Variants in NR6A1 observed in about 807,000 individuals in gnomAD.
The protein encoded by NR6A1 is nuclear receptor subfamily 6 group A member 1.
A neutral mutation model predicts 59.1 loss-of-function variants in NR6A1; 7 were observed. The observed-to-expected ratio is 0.12, with a 90% CI of 0.07 to 0.22. The LOEUF is 0.22. Among genes scored for constraint, NR6A1 ranks in the 10% least tolerant of loss-of-function variants. The pLI is 1.00. For missense variants in NR6A1, 468 were observed against 611.6 expected (o/e 0.77, Z 2.48); for synonymous variants, 243 against 236.1 (o/e 1.03, Z -0.27).
At chr9:124,533,495 G>A (rs1169347765) in intron 7 of NR6A1, among the ~76,000 whole-genome samples, 1 of 152,118 alleles carries the variant, frequency 6.6e-6, no homozygotes, top group African/African-American at 2.4e-5. Context: ...TCCCCTAGCT[G>A]TGCAAAGGGC....
At chr9:124,618,164 G>A (rs1338341335) in intron 2 of NR6A1, among the ~76,000 whole-genome samples, 4 of 152,166 alleles carry the variant, frequency 2.6e-5, no homozygotes, top group African/African-American at 9.7e-5. Flanking sequence ...GCAAGGGAAG[G>A]ATACTGTAAG....
chr9:124,745,987 C>CAAAAAAA lies in NR6A1; in HGVS notation c.101-12645_101-12639dup, dbSNP rs755252377. ...TGGGCGACAGAGCCAGACTCTGTCT[C>CAAAAAAA]AAAAAAAAAAAAAAAAAAAAAATCC... On this transcript the variant is annotated intron_variant, in intron 1 of 9. Transcript: ENST00000487099. Among the ~76,000 whole-genome samples, 189 of 58,414 alleles carry CAAAAAAA rather than the reference C, an allele frequency of 3.2e-3. 2 individuals are homozygous for CAAAAAAA. The highest frequency in any genetic ancestry group is 0.01 in the African/African-American group (178 of 17,554). 38.3% of individuals were successfully genotyped at this position (58,414 alleles called of 152,430 possible).
At chr9:124,649,114 C>T (rs1837021232) in intron 2 of NR6A1, among the ~76,000 whole-genome samples, 1 of 150,968 alleles carries the variant, frequency 6.6e-6, no homozygotes, top group South Asian at 2.1e-4. Flanking sequence ...CATATGAAAC[C>T]TCAAAAGACC....
intron 2 of NR6A1, among the ~76,000 whole-genome samples, chr9:124,618,772 C>T (rs572380185): frequency 2.0e-5 from 3 of 152,308 alleles, no homozygotes; most frequent in South Asian, 2.1e-4. Context: ...ATGCTAACTT[C>T]TCCCTGGAAC....
chr9:124,608,297 C>T (rs1835632605), intron 2 of NR6A1, among the ~76,000 whole-genome samples: 1 of 152,000 alleles, frequency 6.6e-6, no homozygotes, highest in South Asian at 2.1e-4. Context: ...GCTCTCCCTC[C>T]CCCACCCCCA....
At chr9:124,646,652 A>G (rs1232079268) in intron 2 of NR6A1, among the ~76,000 whole-genome samples, 1 of 152,238 alleles carries the variant, frequency 6.6e-6, no homozygotes, top group Non-Finnish European at 1.5e-5. Context: ...CACTAACACT[A>G]ACAATAGCTA....
At chr9:124,649,024 C>G (rs1223163763) in intron 2 of NR6A1, among the ~76,000 whole-genome samples, 1 of 151,714 alleles carries the variant, frequency 6.6e-6, no homozygotes, top group Non-Finnish European at 1.5e-5. Flanking sequence ...CCACACTATC[C>G]AAAGAGATCT....
At chr9:124,608,889 G>A (rs1254192868) in intron 2 of NR6A1, among the ~76,000 whole-genome samples, 1 of 152,186 alleles carries the variant, frequency 6.6e-6, no homozygotes, top group African/African-American at 2.4e-5. Context: ...TTTCTCTAAT[G>A]ATCAGTGATG....
chr9:124,688,533 A>T (rs1019545053), intron 2 of NR6A1, among the ~76,000 whole-genome samples: 1 of 152,220 alleles, frequency 6.6e-6, no homozygotes, highest in African/African-American at 2.4e-5. Context: ...AGTCTAAATA[A>T]TTACTTTTCC....
At position 124,771,126 on chromosome 9, in the gene NR6A1, G is replaced by T; in HGVS notation, c.-7C>A. 8.2e-7 allele frequency: 1 copy of T among 1,223,888 alleles called. No individual in the cohort carries two copies. The highest frequency in any genetic ancestry group is 1.0e-6 in the Non-Finnish European group (1 of 980,698). 75.8% of individuals were successfully genotyped at this position (1,223,888 alleles called of 1,614,324 possible). Reference sequence around the variant, plus strand: ...GCGGTTCGTCCCGCTCCATGCGGTGGTGCCTAGGGTCCGCGCCGGGTTTGT... The same window carrying T: ...GCGGTTCGTCCCGCTCCATGCGGTGTTGCCTAGGGTCCGCGCCGGGTTTGT... On this transcript the variant is annotated 5_prime_UTR_variant, in exon 1 of 10. Coordinates refer to ENST00000487099, the MANE Select transcript of NR6A1 (RefSeq NM_033334.4).
At chr9:124,717,249 G>C (rs1242060234) in intron 2 of NR6A1, among the ~76,000 whole-genome samples, 1 of 152,128 alleles carries the variant, frequency 6.6e-6, no homozygotes, top group Non-Finnish European at 1.5e-5. Flanking sequence ...GTATGACTAA[G>C]AGAAATAAAA....
At chr9:124,573,669 T>TAC (rs1432709546) in intron 2 of NR6A1, among the ~76,000 whole-genome samples, 1 of 152,252 alleles carries the variant, frequency 6.6e-6, no homozygotes. Context: ...ATACAGCCGC[T>TAC]ACATTGTAAT....
At chr9:124,722,415 A>G (rs1042247265) in intron 2 of NR6A1, among the ~76,000 whole-genome samples, 6 of 152,226 alleles carry the variant, frequency 3.9e-5, no homozygotes, top group African/African-American at 1.2e-4. Flanking sequence ...ATTGTGACAC[A>G]TAGTTTGACA....
intron 2 of NR6A1, among the ~76,000 whole-genome samples, chr9:124,716,856 C>T (rs1045892010): frequency 6.6e-6 from 1 of 152,112 alleles, no homozygotes; most frequent in Non-Finnish European, 1.5e-5. Context: ...ACACTGGTCT[C>T]GAACTCCTGG....
rs549171598 is a variant in NR6A1 at position 124,543,062 on chromosome 9, G to T, written c.441+740C>A. Among the ~76,000 whole-genome samples, 19 of 152,300 alleles carry T rather than the reference G, an allele frequency of 1.2e-4. No individual in the cohort carries two copies. The South Asian group carries it at 3.3e-3, about 27-fold the overall frequency. On this transcript the variant is annotated intron_variant, in intron 4 of 9. Transcript: ENST00000487099. The stretch of plus-strand genomic sequence containing the variant: ...AAAGACTTGAAGGCCACTCCCTAAT[G>T]AACTGATTCCAAATTCAAGGATTCT...
At chr9:124,584,096 C>CT (rs557906470) in intron 2 of NR6A1, among the ~76,000 whole-genome samples, 4,974 of 133,050 alleles carry the variant, frequency 0.037, 239 homozygotes, top group Admixed American at 0.12. Context: ...TTGCACTTGG[C>CT]TTTTTTTTTT....
intron 2 of NR6A1, among the ~76,000 whole-genome samples, chr9:124,683,695 A>G (rs1838242519): frequency 6.6e-6 from 1 of 152,230 alleles, no homozygotes; most frequent in Non-Finnish European, 1.5e-5. Flanking sequence ...CAGGAGGCTG[A>G]GGCAGGAGAA....
At chr9:124,602,388 G>C (rs1223062223) in intron 2 of NR6A1, among the ~76,000 whole-genome samples, 2 of 152,188 alleles carry the variant, frequency 1.3e-5, no homozygotes, top group Non-Finnish European at 2.9e-5. Flanking sequence ...GATTGGCCCA[G>C]AGATTAATGC....
At chr9:124,554,688 A>T (rs763254339) in intron 2 of NR6A1, 118 bp from the exon 3 acceptor site, 13 of 1,307,436 alleles carry the variant, frequency 9.9e-6, no homozygotes, top group Admixed American at 3.9e-5. Flanking sequence ...CTAAAGGGCA[A>T]ACAGGGGGCC....
Sources: gnomAD v4.1 joint callset for allele counts (sites outside exome capture counted in the v4.1 genomes callset) on GRCh38, gnomAD v4.1.1 for gene constraint, MANE v1.5 for transcripts, NCBI Gene and HGNC (gene_info 2026-07-23, HGNC 2026-07-21) for gene names.